TMEM131L: variants seen among roughly 807,000 people sequenced by gnomAD.
TMEM131L encodes the protein transmembrane 131 like.
A neutral mutation model predicts 192.2 loss-of-function variants in TMEM131L; 54 were observed. That is an observed-to-expected ratio of 0.28 (90% CI 0.23 to 0.35). TMEM131L has a LOEUF of 0.35. TMEM131L is among the 10% of genes least tolerant of loss of function. The probability of loss-of-function intolerance (pLI) is 1.00; values close to 1 mark genes in which losing one functional copy is unlikely to be tolerated. For synonymous variants in TMEM131L, 701 were observed against 704.9 expected (o/e 0.99, Z 0.09); for missense variants, 1,888 against 1,972.9 (o/e 0.96, Z 0.82).
intron 7 of TMEM131L, among the ~76,000 whole-genome samples, chr4:153,562,503 A>G (rs1276060586): frequency 1.3e-5 from 2 of 152,206 alleles, no homozygotes; most frequent in African/African-American, 4.8e-5. Flanking sequence ...AGTGGCTATA[A>G]AGTTGTCAAC....
intron 3 of TMEM131L, among the ~76,000 whole-genome samples, chr4:153,514,423 G>A (rs1176245366): frequency 2.6e-5 from 4 of 152,194 alleles, no homozygotes; most frequent in Non-Finnish European, 5.9e-5. Flanking sequence ...AACAATGCAT[G>A]GTGATGTAAA....
chr4:153,488,587 C>T (rs1450466447), intron 3 of TMEM131L, among the ~76,000 whole-genome samples: 1 of 152,230 alleles, frequency 6.6e-6, no homozygotes, highest in East Asian at 1.9e-4. Context: ...CCCTGCGGCT[C>T]TGTTGTGGTG....
intron 3 of TMEM131L, among the ~76,000 whole-genome samples, chr4:153,514,972 C>T (rs1040455949): frequency 3.3e-5 from 5 of 152,016 alleles, no homozygotes; most frequent in South Asian, 2.1e-4. Context: ...CCACCACACT[C>T]GGCTTATTTT....
chr4:153,475,110 C>T (rs1299519612), intron 3 of TMEM131L, among the ~76,000 whole-genome samples: 1 of 152,180 alleles, frequency 6.6e-6, no homozygotes, highest in African/African-American at 2.4e-5. Flanking sequence ...CCACCCAGCC[C>T]CAATCCTGCT....
intron 7 of TMEM131L, among the ~76,000 whole-genome samples, chr4:153,566,236 C>T (rs999598835): frequency 3.3e-5 from 5 of 151,758 alleles, no homozygotes; most frequent in East Asian, 1.9e-4. Context: ...CCCAGGTTCA[C>T]GCCATTCTCC....
At chr4:153,526,814 G>A (rs943272497) in intron 3 of TMEM131L, among the ~76,000 whole-genome samples, 10 of 152,202 alleles carry the variant, frequency 6.6e-5, no homozygotes, top group African/African-American at 2.4e-4. Flanking sequence ...GTTGTGAAAT[G>A]TGCTATAACA....
intron 21 of TMEM131L, among the ~76,000 whole-genome samples, chr4:153,599,960 C>T (rs1172634309): frequency 6.6e-6 from 1 of 152,166 alleles, no homozygotes; most frequent in Non-Finnish European, 1.5e-5. Flanking sequence ...ATCTCTTGAA[C>T]CCAGGAGGCG....
At position 153,555,341 on chromosome 4, in the gene TMEM131L, A is replaced by G. The variant is rs1737908034; in HGVS notation, c.309-446A>G. Among the ~76,000 whole-genome samples, 1 of 152,134 alleles carries G rather than the reference A, an allele frequency of 6.6e-6. No individual in the cohort carries two copies. Among genetic ancestry groups the G allele is most frequent in the Non-Finnish European group, 1.5e-5 (1 of 68,022 alleles). ...TGAGTACAGTTTCTTACCTAAACAT[A>G]TTTTCGTTTGTTTCAATATTTTCGA... is the stretch of plus-strand genomic sequence containing the variant. On this transcript the variant is annotated intron_variant, in intron 4 of 34. Transcript: ENST00000409959. This position sits in a 1 kb window ranked among gnomAD's most constrained non-coding sequence, Gnocchi z 4.1.
intron 26 of TMEM131L, among the ~76,000 whole-genome samples, chr4:153,619,850 G>A (rs1047038353): frequency 1.3e-5 from 2 of 152,124 alleles, no homozygotes; most frequent in Admixed American, 1.3e-4. Flanking sequence ...AGTAGGAAGG[G>A]GACTCTTCTG....
intron 7 of TMEM131L, among the ~76,000 whole-genome samples, chr4:153,564,017 G>A (rs141275980): frequency 0.017 from 2,519 of 151,976 alleles, 66 homozygotes; most frequent in African/African-American, 0.054. Context: ...AGCCAGATGC[G>A]GTGGCTCACA....
At chr4:153,534,747 T>A (rs1236674268) in intron 3 of TMEM131L, among the ~76,000 whole-genome samples, 1 of 152,078 alleles carries the variant, frequency 6.6e-6, no homozygotes, top group Admixed American at 6.5e-5. Context: ...GTTGGAGGAT[T>A]TGATGGAGAT....
chr4:153,544,843 C>T (rs555629456), intron 3 of TMEM131L, among the ~76,000 whole-genome samples: 3 of 152,150 alleles, frequency 2.0e-5, no homozygotes, highest in Non-Finnish European at 4.4e-5. Flanking sequence ...CTGAGGGGAG[C>T]ATCTTCCTGG....
chr4:153,581,327 T>G, intron 8 of TMEM131L, 80 bp from the exon 9 acceptor site: 3 of 1,158,174 alleles, frequency 2.6e-6, no homozygotes, highest in Non-Finnish European at 3.6e-6. Context: ...CGTTAAATGC[T>G]TCTCCTTTCC....
chr4:153,581,098 A>C lies in TMEM131L; in HGVS notation c.738+195A>C, dbSNP rs1021303945. On this transcript the variant is annotated intron_variant, in intron 8 of 34. Transcript: ENST00000409959. Reference sequence around the variant, plus strand: ...GAAACTCCGTCTCTACTAAAAATACAAAAAAATTAGCCAGGCGTGCTGGCG... The same window carrying C: ...GAAACTCCGTCTCTACTAAAAATACCAAAAAATTAGCCAGGCGTGCTGGCG... Among the ~76,000 whole-genome samples the C allele has an allele frequency of 2.0e-5, 3 of 152,216 alleles. No individual in the cohort carries two copies. The South Asian group carries it at 6.2e-4, about 32-fold the overall frequency.
intron 7 of TMEM131L, among the ~76,000 whole-genome samples, chr4:153,572,117 T>C (rs903939952): frequency 2.0e-5 from 3 of 152,186 alleles, no homozygotes; most frequent in Admixed American, 6.5e-5. Context: ...TGATACTGTA[T>C]ACAATGTGTA....
intron 4 of TMEM131L, among the ~76,000 whole-genome samples, chr4:153,553,292 A>G (rs1308752893): frequency 3.3e-5 from 5 of 152,146 alleles, no homozygotes; most frequent in Admixed American, 6.5e-5. Flanking sequence ...ATGTACTACA[A>G]ATGTGTTCAT....
chr4:153,515,773 T>C (rs1455131902), intron 3 of TMEM131L, among the ~76,000 whole-genome samples: 2 of 152,208 alleles, frequency 1.3e-5, no homozygotes, highest in Non-Finnish European at 2.9e-5. Context: ...GATGAGTTTA[T>C]TATAGCCCTT....
chr4:153,490,966 A>AG (rs1164407793), intron 3 of TMEM131L, among the ~76,000 whole-genome samples: 1 of 151,474 alleles, frequency 6.6e-6, no homozygotes, highest in East Asian at 1.9e-4. Flanking sequence ...AAAAAAAAAA[A>AG]AAAAAAAAGA....
At chr4:153,522,786 T>TCTCAC (rs1735210594) in intron 3 of TMEM131L, among the ~76,000 whole-genome samples, 1 of 152,172 alleles carries the variant, frequency 6.6e-6, no homozygotes, top group Non-Finnish European at 1.5e-5. Context: ...CCATTTCATT[T>TCTCAC]CTCACCTCAC....
Sources: gnomAD v4.1 joint callset for allele counts (sites outside exome capture counted in the v4.1 genomes callset) on GRCh38, gnomAD v4.1.1 for gene constraint, Gnocchi (gnomAD v3.1) non-coding constraint, MANE v1.5 for transcripts, NCBI Gene and HGNC (gene_info 2026-07-23, HGNC 2026-07-21) for gene names.